TMSB15B: variants seen among roughly 807,000 people sequenced by gnomAD.
The protein encoded by TMSB15B is thymosin beta 15B.
chrX:103,945,038 A>G (rs2075021833), intron 1 of TMSB15B, among the ~76,000 whole-genome samples: 3 of 112,583 alleles, frequency 2.7e-5, no homozygotes. Context: ...TCGGCCTCCC[A>G]GAGTGATGGG....
intron 1 of TMSB15B, among the ~76,000 whole-genome samples, chrX:103,944,398 A>C (rs2075019994): frequency 8.9e-6 from 1 of 112,394 alleles, no homozygotes; most frequent in Non-Finnish European, 1.9e-5. Context: ...ATCTGGACAA[A>C]AATAAAATTC....
chrX:103,938,224 T>A (rs1423381013), intron 1 of TMSB15B, among the ~76,000 whole-genome samples: 2 of 111,844 alleles, frequency 1.8e-5, no homozygotes, highest in Non-Finnish European at 3.8e-5. Context: ...TTCTTGTTAA[T>A]TTTCTGTCTC....
chrX:103,926,633 C>T (rs1556318872), intron 1 of TMSB15B, among the ~76,000 whole-genome samples: 1 of 110,410 alleles, frequency 9.1e-6, no homozygotes, highest in African/African-American at 3.3e-5. Flanking sequence ...TGATTCTGGG[C>T]CTGGCAGCCC....
At chrX:103,954,598 C>T (rs2075046901) in intron 1 of TMSB15B, among the ~76,000 whole-genome samples, 1 of 111,724 alleles carries the variant, frequency 9.0e-6, no homozygotes, top group South Asian at 3.8e-4. Flanking sequence ...CAATAGGCCC[C>T]CAACCCCTGC....
chrX:103,948,095 G>A (rs782324668), intron 1 of TMSB15B, among the ~76,000 whole-genome samples: 35 of 111,297 alleles, frequency 3.1e-4, no homozygotes, highest in Non-Finnish European at 5.5e-4. Context: ...TGTAGATGAC[G>A]GGTTGATGGG....
chrX:103,940,105 G>A (rs1332773368), intron 1 of TMSB15B, among the ~76,000 whole-genome samples: 2 of 112,017 alleles, frequency 1.8e-5, no homozygotes, highest in African/African-American at 6.5e-5. Context: ...CCTGCTGGGA[G>A]GTGTCTCCAT....
chrX:103,943,120 C>G (rs2075016874), intron 1 of TMSB15B, among the ~76,000 whole-genome samples: 3 of 111,638 alleles, frequency 2.7e-5, no homozygotes, highest in African/African-American at 9.8e-5. Flanking sequence ...GCTCAAGACA[C>G]CTGTATCCAA....
chrX:103,933,720 G>A (rs1333793384), intron 1 of TMSB15B, among the ~76,000 whole-genome samples: 4 of 111,504 alleles, frequency 3.6e-5, no homozygotes, highest in Non-Finnish European at 7.5e-5. Flanking sequence ...GCAGATAGCT[G>A]TAGTTGATCC....
intron 1 of TMSB15B, chrX:103,928,706 C>T: frequency 8.7e-7 from 1 of 1,155,179 alleles, no homozygotes; most frequent in East Asian, 3.0e-5. Context: ...GATGGCCTGG[C>T]AGAGCAAGGC....
At chrX:103,952,551 G>A (rs1167045049) in intron 1 of TMSB15B, among the ~76,000 whole-genome samples, 1 of 111,261 alleles carries the variant, frequency 9.0e-6, no homozygotes, top group East Asian at 2.8e-4. Context: ...AGACTATGGA[G>A]GATTAGCAAG....
chrX:103,937,483 A>G (rs1472001113), intron 1 of TMSB15B, among the ~76,000 whole-genome samples: 1 of 111,952 alleles, frequency 8.9e-6, no homozygotes, highest in African/African-American at 3.2e-5. Context: ...CTCTGATGGT[A>G]GTTTGTATTT....
At chrX:103,942,464 G>C (rs1357986698) in intron 1 of TMSB15B, among the ~76,000 whole-genome samples, 4 of 111,865 alleles carry the variant, frequency 3.6e-5, no homozygotes, top group African/African-American at 1.3e-4. Context: ...TATTCTACCA[G>C]TTTATTTATC....
chrX:103,934,660 A>G (rs782256937), intron 1 of TMSB15B, among the ~76,000 whole-genome samples: 76 of 111,632 alleles, frequency 6.8e-4, no homozygotes, highest in African/African-American at 2.4e-3. Flanking sequence ...TCCCTGCAAA[A>G]GACATTAACT....
intron 1 of TMSB15B, among the ~76,000 whole-genome samples, chrX:103,934,491 G>T (rs782237569): frequency 9.1e-6 from 1 of 109,648 alleles, no homozygotes; most frequent in South Asian, 4.0e-4. Flanking sequence ...CCCTCCCCTT[G>T]CCCCCCGCTC....
rs781932729 is a variant in TMSB15B, at chrX:103,928,201, T to C, written c.-721+8909T>C. Reference sequence around the variant, plus strand: ...ACTCCCAGGCCTATGCCCTTGGGGCTGTTTCCAACTCTATGTCTACTTTTC... The same window carrying C: ...ACTCCCAGGCCTATGCCCTTGGGGCCGTTTCCAACTCTATGTCTACTTTTC... On this transcript the variant is annotated intron_variant, in intron 1 of 3. Transcript: ENST00000419165. 8.1e-5 allele frequency: 96 copies of C among 1,186,445 alleles called. No homozygotes were observed. The East Asian group carries it at 1.5e-3, about 18-fold the overall frequency.
chrX:103,945,258 G>A (rs1556327020), intron 1 of TMSB15B, among the ~76,000 whole-genome samples: 2 of 112,224 alleles, frequency 1.8e-5, no homozygotes, highest in African/African-American at 6.5e-5. Context: ...CTGAAACTGG[G>A]CAATTTACAA....
chrX:103,934,675 C>A (rs1158386895), intron 1 of TMSB15B, among the ~76,000 whole-genome samples: 23 of 111,717 alleles, frequency 2.1e-4, no homozygotes, highest in Non-Finnish European at 1.9e-5. Flanking sequence ...TTAACTCATT[C>A]TTTTTTATGG....
At chrX:103,929,837 T>A (rs2074979539) in intron 1 of TMSB15B, among the ~76,000 whole-genome samples, 1 of 110,993 alleles carries the variant, frequency 9.0e-6, no homozygotes. Context: ...CACAGATAAT[T>A]GCATATTTTT....
rs1359928845 is a variant in TMSB15B, at chrX:103,924,787, C to T, written c.-721+5495C>T. 2.7e-5 allele frequency among the ~76,000 whole-genome samples: 3 copies of T among 111,320 alleles called. No individual in the cohort carries two copies. In the East Asian group the frequency reaches 8.5e-4, roughly 32 times the overall value. On this transcript the variant is annotated intron_variant, in intron 1 of 3. Coordinates refer to the TMSB15B transcript ENST00000419165. ...GACTGGCTCGGACAGTCTGGAATCC[C>T]CTGGGCTCATTTTACTAGGCTGTAA...
Sources: allele counts gnomAD v4.1 joint callset (sites outside exome capture counted in the v4.1 genomes callset), GRCh38; gene constraint gnomAD v4.1.1; transcripts MANE v1.5; gene names NCBI Gene and HGNC (gene_info 2026-07-23, HGNC 2026-07-21).